DTNA: variants seen among roughly 807,000 people sequenced by gnomAD.
The protein encoded by DTNA is dystrobrevin alpha, also known as dystrophin-related protein 3.
In DTNA, 43 loss-of-function variants were observed where a neutral mutation model predicts 100.7. The observed-to-expected ratio is 0.43, with a 90% CI of 0.33 to 0.55. The LOEUF is 0.55. DTNA is among the 20% of genes least tolerant of loss of function. DTNA has a pLI of 0.04. For synonymous variants in DTNA, 349 were observed against 347.9 expected, an observed-to-expected ratio of 1.00 and a Z score of -0.04; for missense variants, 798 against 953.9, an observed-to-expected ratio of 0.84 and a Z score of 2.15.
intron 1 of DTNA, among the ~76,000 whole-genome samples, chr18:34,738,740 A>T (rs568303274): frequency 6.6e-6 from 1 of 152,184 alleles, no homozygotes; most frequent in Non-Finnish European, 1.5e-5. Flanking sequence ...CTGCTTAGTC[A>T]TGCCTTTTTG....
chr18:34,737,962 A>G (rs556655810), intron 1 of DTNA: 1 of 152,292 alleles, frequency 6.6e-6, no homozygotes, highest in Non-Finnish European at 1.5e-5. Context: ...AATTATGGGT[A>G]TATTAGAGTA....
At chr18:34,663,711 C>T (rs1163252780) in intron 1 of DTNA, among the ~76,000 whole-genome samples, 1 of 151,998 alleles carries the variant, frequency 6.6e-6, no homozygotes, top group Admixed American at 6.6e-5. Context: ...AAACAACTGA[C>T]AGGAATTTCT....
chr18:34,700,651 G>C (rs577602109), intron 1 of DTNA, among the ~76,000 whole-genome samples: 1 of 152,286 alleles, frequency 6.6e-6, no homozygotes, highest in East Asian at 1.9e-4. Context: ...AAACCACACA[G>C]CAGACCATGC....
intron 1 of DTNA, among the ~76,000 whole-genome samples, chr18:34,603,292 ATAAT>A: frequency 6.6e-6 from 1 of 152,224 alleles, no homozygotes; most frequent in Admixed American, 6.5e-5. Flanking sequence ...CATTGTATTA[ATAAT>A]TAAAAGTGCA....
intron 17 of DTNA, chr18:34,868,206 C>A: frequency 3.3e-6 from 1 of 306,750 alleles, no homozygotes; most frequent in Non-Finnish European, 4.7e-6. Flanking sequence ...TACAGAAATA[C>A]CACTTCTCAG....
At chr18:34,766,087 A>C (rs1463789521) in intron 3 of DTNA, 46 bp downstream of exon 3, 2 of 1,591,268 alleles carry the variant, frequency 1.3e-6, no homozygotes, top group Non-Finnish European at 1.7e-6. Flanking sequence ...TGAATCCTAT[A>C]GTTTACATTT....
intron 1 of DTNA, among the ~76,000 whole-genome samples, chr18:34,651,900 C>CA (rs749545937): frequency 2.0e-5 from 3 of 151,804 alleles, no homozygotes; most frequent in Admixed American, 6.6e-5. Flanking sequence ...CCTGTCTCTG[C>CA]AAAAAATACA....
intron 12 of DTNA, 75 bp from the exon 13 acceptor site, chr18:34,838,670 T>G (rs1941753): frequency 7.6e-7 from 1 of 1,311,810 alleles, no homozygotes; most frequent in Admixed American, 1.7e-5. Flanking sequence ...TACCAAAAAC[T>G]CACTCCTACC....
chr18:34,613,125 GA>G (rs2054560120), intron 1 of DTNA, among the ~76,000 whole-genome samples: 1 of 151,986 alleles, frequency 6.6e-6, no homozygotes, highest in Non-Finnish European at 1.5e-5. Flanking sequence ...TTATCCTATT[GA>G]TTATGGTGAT....
At chr18:34,543,223 T>C (rs2044426345) in intron 1 of DTNA, among the ~76,000 whole-genome samples, 1 of 151,980 alleles carries the variant, frequency 6.6e-6, no homozygotes, top group Non-Finnish European at 1.5e-5. Context: ...CTGATACTGC[T>C]GTTCAGACTG....
chr18:34,780,574 G>A (rs1217017030), intron 3 of DTNA, among the ~76,000 whole-genome samples: 1 of 152,182 alleles, frequency 6.6e-6, no homozygotes, highest in Non-Finnish European at 1.5e-5. Context: ...ATATTATATT[G>A]TGGAGAAAAA....
chr18:34,494,662 C>T (rs2038981058), intron 1 of DTNA, among the ~76,000 whole-genome samples: 1 of 151,336 alleles, frequency 6.6e-6, no homozygotes, highest in Non-Finnish European at 1.5e-5. Flanking sequence ...CCGTGAGGGG[C>T]GCAGGGGGAG....
At chr18:34,800,806 C>G (rs1308393921) in intron 4 of DTNA, among the ~76,000 whole-genome samples, 2 of 152,154 alleles carry the variant, frequency 1.3e-5, no homozygotes, top group Non-Finnish European at 2.9e-5. Flanking sequence ...GACAATTTAC[C>G]TCCTGTACTT....
intron 1 of DTNA, among the ~76,000 whole-genome samples, chr18:34,744,794 C>T (rs967876878): frequency 3.9e-5 from 6 of 152,126 alleles, no homozygotes; most frequent in African/African-American, 7.2e-5. Flanking sequence ...AGCCTATGTC[C>T]GTGTGTGTCT....
chr18:34,741,476 A>T (rs889296087), intron 1 of DTNA, among the ~76,000 whole-genome samples: 1 of 152,168 alleles, frequency 6.6e-6, no homozygotes, highest in Non-Finnish European at 1.5e-5. Context: ...ATATATTGAC[A>T]CTTAAATGGT....
chr18:34,819,481 A>G (rs1333366036), intron 8 of DTNA, among the ~76,000 whole-genome samples: 1 of 152,232 alleles, frequency 6.6e-6, no homozygotes, highest in Non-Finnish European at 1.5e-5. Flanking sequence ...CTTAGTTTAG[A>G]AGAAAGGAGC....
At position 34,882,200 on chromosome 18, in the gene DTNA, A is replaced by G; in HGVS notation, c.2294A>G (p.Gln765Arg). The change falls in exon 21 of 23, where the codon CAG (glutamine) becomes CGG (arginine). Residue 765 changes from glutamine (Q) to arginine (R), a missense_variant and splice_region_variant. Transcript: ENST00000444659. The part of the protein sequence containing the change: ...LKQKLQDEAY[Q>R]VSLQG The stretch of plus-strand genomic sequence containing the variant: ...CAGAAGCTGCAAGATGAAGCTTATC[A>G]GGTACAGGGATCCAGGCCCACCCCA... 6.2e-7 allele frequency: 1 copy of G among 1,613,806 alleles called. No homozygotes were observed. The highest frequency in any genetic ancestry group is 8.5e-7 in the Non-Finnish European group (1 of 1,179,868).
chr18:34,858,930 A>G (rs116781454), intron 16 of DTNA, among the ~76,000 whole-genome samples: 1 of 152,346 alleles, frequency 6.6e-6, no homozygotes, highest in African/African-American at 2.4e-5. Context: ...CTTTACATCA[A>G]AAACAACATA....
At chr18:34,624,761 G>A (rs1268235353) in intron 1 of DTNA, among the ~76,000 whole-genome samples, 3 of 152,178 alleles carry the variant, frequency 2.0e-5, no homozygotes, top group Non-Finnish European at 1.5e-5. Flanking sequence ...AATACACAGT[G>A]GGAAACAGCT....
Sources: allele counts gnomAD v4.1 joint callset (sites outside exome capture counted in the v4.1 genomes callset), GRCh38; gene constraint gnomAD v4.1.1; transcripts MANE v1.5; gene names NCBI Gene and HGNC (gene_info 2026-07-23, HGNC 2026-07-21).